ROBO2: variants seen among roughly 807,000 people sequenced by gnomAD.
The protein encoded by ROBO2 is roundabout homolog 2.
In ROBO2, 53 loss-of-function variants were observed where a neutral mutation model predicts 160.8. The ratio of observed to expected loss-of-function variants is 0.33; its 90% CI spans 0.26 to 0.41. ROBO2 has a LOEUF of 0.41. ROBO2 is among the 10% of genes least tolerant of loss of function. The probability of loss-of-function intolerance (pLI) is 1.00; values close to 1 mark genes in which losing one functional copy is unlikely to be tolerated. For synonymous variants in ROBO2, 664 were observed against 611.7 expected, an observed-to-expected ratio of 1.09 and a Z score of -1.26; for missense variants, 1,577 against 1,722.4, an observed-to-expected ratio of 0.92 and a Z score of 1.49.
At chr3:76,336,787 A>C (rs994201893) in intron 2 of ROBO2, among the ~76,000 whole-genome samples, 1 of 122,760 alleles carries the variant, frequency 8.1e-6, no homozygotes, top group Non-Finnish European at 1.8e-5. Flanking sequence ...TAAATATATC[A>C]TATAAATACA....
chr3:77,017,499 A>G, intron 2 of ROBO2, among the ~76,000 whole-genome samples: 1 of 152,228 alleles, frequency 6.6e-6, no homozygotes, highest in African/African-American at 2.4e-5. Context: ...TTAGTTCATG[A>G]AAAGTGCACC....
chr3:76,555,480 T>G (rs2083733361), intron 2 of ROBO2, among the ~76,000 whole-genome samples: 1 of 150,100 alleles, frequency 6.7e-6, no homozygotes, highest in Non-Finnish European at 1.5e-5. Context: ...AAAAAATAGA[T>G]CCCTCTCATC....
intron 2 of ROBO2, among the ~76,000 whole-genome samples, chr3:76,750,900 C>T (rs1018271356): frequency 1.4e-4 from 22 of 152,090 alleles, no homozygotes; most frequent in Non-Finnish European, 2.9e-4. Flanking sequence ...AATGCCATCC[C>T]CATCAAGCTA....
intron 24 of ROBO2, among the ~76,000 whole-genome samples, chr3:77,641,158 G>C (rs1436868880): frequency 2.0e-5 from 3 of 152,178 alleles, no homozygotes; most frequent in Non-Finnish European, 4.4e-5. Context: ...CCAACAAACA[G>C]ATATCTCAAT....
intron 1 of ROBO2, among the ~76,000 whole-genome samples, chr3:77,067,010 ACT>A (rs1178171458): frequency 1.2e-3 from 172 of 140,684 alleles, no homozygotes; most frequent in Admixed American, 2.3e-3. Context: ...ACACTCACAC[ACT>A]CTCACACACA....
chr3:77,319,860 G>A lies in ROBO2; in HGVS notation c.389-157554G>A, dbSNP rs747792050. ...TGTTGAGAAAGTTGCTTATGCTATT[G>A]GTCCTCCTTTTCTGTTGTTGTTCAG... On this transcript the variant is annotated intron_variant, in intron 2 of 25. Coordinates refer to ENST00000461745, the Ensembl canonical transcript of ROBO2. Among the ~76,000 whole-genome samples, 10 of 152,202 alleles carry A rather than the reference G, an allele frequency of 6.6e-5. No individual in the cohort carries two copies. In the South Asian group the frequency reaches 2.1e-3, roughly 32 times the overall value.
At chr3:77,598,457 A>G (rs1402777940) in intron 19 of ROBO2, among the ~76,000 whole-genome samples, 2 of 147,396 alleles carry the variant, frequency 1.4e-5, no homozygotes, top group Non-Finnish European at 3.0e-5. Flanking sequence ...ATTTATTTAT[A>G]TAGAATATAT....
At chr3:77,059,936 A>AC (rs965101356) in intron 1 of ROBO2, among the ~76,000 whole-genome samples, 1 of 151,994 alleles carries the variant, frequency 6.6e-6, no homozygotes, top group Non-Finnish European at 1.5e-5. Flanking sequence ...TATATACTAC[A>AC]CCAGGGGGGT....
At chr3:76,059,098 C>T (rs528165718) in intron 2 of ROBO2, among the ~76,000 whole-genome samples, 33 of 151,148 alleles carry the variant, frequency 2.2e-4, no homozygotes, top group African/African-American at 5.6e-4. Flanking sequence ...TGAATAGTGC[C>T]GCAATAAACA....
intron 2 of ROBO2, among the ~76,000 whole-genome samples, chr3:76,462,727 AT>A (rs1467350891): frequency 6.6e-6 from 1 of 152,182 alleles, no homozygotes; most frequent in Non-Finnish European, 1.5e-5. Flanking sequence ...GTATGTAAGA[AT>A]GTATAAAAGT....
chr3:76,119,920 T>TCCTC (rs2070666039), intron 2 of ROBO2, among the ~76,000 whole-genome samples: 1 of 28,492 alleles, frequency 3.5e-5, no homozygotes, highest in Non-Finnish European at 8.3e-5. Context: ...CTCCCTCCCT[T>TCCTC]CCTTCCTTCC....
intron 2 of ROBO2, among the ~76,000 whole-genome samples, chr3:76,119,916 C>CCCTCCCTTCCTTCCTTCCTT (rs1377854643): frequency 3.4e-5 from 3 of 88,178 alleles, no homozygotes; most frequent in African/African-American, 9.6e-5. Flanking sequence ...TTCCCTCCCT[C>CCCTCCCTTCCTTCCTTCCTT]CCTTCCTTCC....
chr3:77,091,113 C>T (rs1443290695), intron 1 of ROBO2, among the ~76,000 whole-genome samples: 2 of 152,106 alleles, frequency 1.3e-5, no homozygotes, highest in African/African-American at 4.8e-5. Flanking sequence ...GGACTAATAG[C>T]TGATAGGGCT....
chr3:77,218,552 T>A (rs1230413088), intron 2 of ROBO2, among the ~76,000 whole-genome samples: 1 of 152,066 alleles, frequency 6.6e-6, no homozygotes, highest in Non-Finnish European at 1.5e-5. Flanking sequence ...TTTGTATTTT[T>A]TAGTAGAGAT....
intron 2 of ROBO2, among the ~76,000 whole-genome samples, chr3:77,375,995 C>T (rs2072595416): frequency 6.6e-6 from 1 of 152,024 alleles, no homozygotes; most frequent in Admixed American, 6.6e-5. Flanking sequence ...CATGTTTGTG[C>T]CTTGAGTTTC....
intron 2 of ROBO2, among the ~76,000 whole-genome samples, chr3:76,445,058 C>A (rs1255144175): frequency 2.0e-5 from 3 of 152,044 alleles, no homozygotes; most frequent in African/African-American, 4.8e-5. Context: ...ATGAAAATAT[C>A]ATTATAAACT....
At chr3:76,913,260 G>A (rs1236787934) in intron 2 of ROBO2, among the ~76,000 whole-genome samples, 1 of 152,114 alleles carries the variant, frequency 6.6e-6, no homozygotes, top group African/African-American at 2.4e-5. Context: ...AGGTCTTTAG[G>A]AGGCGTTTCT....
At chr3:76,012,178 T>C (rs2066212906) in intron 2 of ROBO2, among the ~76,000 whole-genome samples, 1 of 152,212 alleles carries the variant, frequency 6.6e-6, no homozygotes, top group African/African-American at 2.4e-5. Flanking sequence ...CATATATTCA[T>C]TCTAAAATAA....
intron 2 of ROBO2, among the ~76,000 whole-genome samples, chr3:76,216,290 G>T (rs1019822806): frequency 6.6e-6 from 1 of 152,118 alleles, no homozygotes; most frequent in East Asian, 1.9e-4. Context: ...ATAATGAGAG[G>T]ATAAAATTCA....
Sources: allele counts gnomAD v4.1 joint callset (sites outside exome capture counted in the v4.1 genomes callset), GRCh38; gene constraint gnomAD v4.1.1; transcripts MANE v1.5; gene names NCBI Gene and HGNC (gene_info 2026-07-23, HGNC 2026-07-21).